RBFOX1: variants seen among roughly 807,000 people sequenced by gnomAD.
The protein encoded by RBFOX1 is RNA binding protein fox-1 homolog 1.
A neutral mutation model predicts 57.7 loss-of-function variants in RBFOX1; 8 were observed. The observed-to-expected ratio is 0.14, with a 90% CI of 0.08 to 0.25. The LOEUF is 0.25. Ranked by LOEUF, RBFOX1 falls within the 10% of genes least tolerant of loss-of-function variation. The pLI is 1.00. For missense variants in RBFOX1, 611 were observed against 548.5 expected (o/e 1.11, Z -1.14); for synonymous variants, 326 against 222.4 (o/e 1.47, Z -4.15).
At chr16:6,925,998 C>T (rs1567911878) in intron 3 of RBFOX1, among the ~76,000 whole-genome samples, 1 of 152,078 alleles carries the variant, frequency 6.6e-6, no homozygotes, top group Non-Finnish European at 1.5e-5. Flanking sequence ...CGTCAGATCT[C>T]TGTCTATGCT....
chr16:6,214,368 G>A (rs1327544061), intron 1 of RBFOX1, among the ~76,000 whole-genome samples: 1 of 146,138 alleles, frequency 6.8e-6, no homozygotes, highest in African/African-American at 2.5e-5. Flanking sequence ...AGAGAGTGAG[G>A]GAGAAAGAGT....
chr16:6,746,594 C>G lies in RBFOX1; in HGVS notation c.-16+91944C>G, dbSNP rs558053961. 1.6e-4 allele frequency among the ~76,000 whole-genome samples: 25 copies of G among 151,998 alleles called. No homozygotes were observed. In the East Asian group the frequency reaches 4.5e-3, roughly 27 times the overall value. ...CTGGGAGGCTGAACTGGGGGGATCA[C>G]CTGAACCTGGGAAGTTGAGGCTGCA... On this transcript the variant is annotated intron_variant, in intron 3 of 15. Transcript: ENST00000550418.
intron 2 of RBFOX1, among the ~76,000 whole-genome samples, chr16:6,509,871 G>C (rs1338933008): frequency 6.6e-6 from 1 of 152,124 alleles, no homozygotes; most frequent in African/African-American, 2.4e-5. Context: ...AAAAACTGTA[G>C]GAGAAGTCAG....
intron 3 of RBFOX1, among the ~76,000 whole-genome samples, chr16:6,917,729 G>C (rs568183319): frequency 2.6e-5 from 4 of 152,130 alleles, no homozygotes; most frequent in African/African-American, 7.2e-5. Context: ...TGGGAACCTC[G>C]GCATTCCAAG....
At chr16:5,988,554 C>G (rs1236154655) in intron 4 of RBFOX1, among the ~76,000 whole-genome samples, 1 of 152,088 alleles carries the variant, frequency 6.6e-6, no homozygotes, top group Non-Finnish European at 1.5e-5. Flanking sequence ...TGCTGTTACC[C>G]CCTTCCTGCC....
At chr16:6,872,627 T>C (rs149067185) in intron 3 of RBFOX1, among the ~76,000 whole-genome samples, 46 of 152,318 alleles carry the variant, frequency 3.0e-4, no homozygotes, top group African/African-American at 1.1e-3. Flanking sequence ...ACTTTGAATA[T>C]TCCTGCAGTG....
intron 3 of RBFOX1, among the ~76,000 whole-genome samples, chr16:5,727,957 G>T (rs2052216146): frequency 6.6e-6 from 1 of 152,154 alleles, no homozygotes; most frequent in African/African-American, 2.4e-5. Context: ...AAAGTTCTGG[G>T]ATTACAGGAG....
chr16:7,361,234 G>A (rs767942575), intron 4 of RBFOX1, among the ~76,000 whole-genome samples: 1 of 152,108 alleles, frequency 6.6e-6, no homozygotes, highest in East Asian at 1.9e-4. Flanking sequence ...GGCTCTGAAG[G>A]CCTGTTTGTG....
chr16:6,976,793 A>G (rs954893921), intron 3 of RBFOX1, among the ~76,000 whole-genome samples: 1 of 115,232 alleles, frequency 8.7e-6, no homozygotes, highest in Non-Finnish European at 1.7e-5. Context: ...TATTATATAT[A>G]TGATATATGA....
chr16:7,346,330 G>A (rs1418777374), intron 4 of RBFOX1, among the ~76,000 whole-genome samples: 1 of 151,888 alleles, frequency 6.6e-6, no homozygotes, highest in Non-Finnish European at 1.5e-5. Context: ...AACCACGATG[G>A]CAGAGGAGCA....
intron 2 of RBFOX1, among the ~76,000 whole-genome samples, chr16:6,565,983 G>A (rs548360540): frequency 5.3e-5 from 8 of 152,296 alleles, no homozygotes; most frequent in African/African-American, 1.7e-4. Flanking sequence ...CTGGCTGGGA[G>A]TGCTACTCTA....
At chr16:6,424,991 T>C (rs1237722082) in intron 2 of RBFOX1, among the ~76,000 whole-genome samples, 1 of 152,230 alleles carries the variant, frequency 6.6e-6, no homozygotes, top group East Asian at 1.9e-4. Context: ...TACTCTACAA[T>C]ATTATTATTA....
chr16:6,562,060 A>G (rs189955948), intron 2 of RBFOX1, among the ~76,000 whole-genome samples: 1 of 152,302 alleles, frequency 6.6e-6, no homozygotes, highest in Non-Finnish European at 1.5e-5. Context: ...GATATTACTC[A>G]TTTCCATCAT....
At chr16:7,168,792 T>C (rs2080089693) in intron 4 of RBFOX1, among the ~76,000 whole-genome samples, 1 of 152,218 alleles carries the variant, frequency 6.6e-6, no homozygotes, top group South Asian at 2.1e-4. Flanking sequence ...ACAACAATTT[T>C]GCCAATAAAC....
intron 4 of RBFOX1, among the ~76,000 whole-genome samples, chr16:7,447,287 G>T (rs2098816295): frequency 6.6e-6 from 1 of 151,792 alleles, no homozygotes; most frequent in South Asian, 2.1e-4. Flanking sequence ...ACAAAAATTA[G>T]CCAGCTGTGG....
At chr16:7,414,497 C>T (rs1359068557) in intron 4 of RBFOX1, among the ~76,000 whole-genome samples, 4 of 152,166 alleles carry the variant, frequency 2.6e-5, no homozygotes, top group Non-Finnish European at 4.4e-5. Context: ...CTGTAGTAGT[C>T]ATCTTGAGTG....
At chr16:6,572,801 C>G (rs1199176205) in intron 2 of RBFOX1, among the ~76,000 whole-genome samples, 1 of 152,056 alleles carries the variant, frequency 6.6e-6, no homozygotes, top group East Asian at 1.9e-4. Context: ...ACCATGTTGG[C>G]CACGCTGGCC....
intron 4 of RBFOX1, among the ~76,000 whole-genome samples, chr16:7,201,937 C>T (rs1025124759): frequency 1.3e-5 from 2 of 152,092 alleles, no homozygotes; most frequent in African/African-American, 2.4e-5. Context: ...TCAGAGGTAA[C>T]ACTGGCAGAA....
chr16:5,803,981 C>G (rs2055146421), intron 3 of RBFOX1, among the ~76,000 whole-genome samples: 1 of 152,166 alleles, frequency 6.6e-6, no homozygotes, highest in African/African-American at 2.4e-5. Flanking sequence ...CCTACTTACC[C>G]TTCCAAGCCC....
Sources: gnomAD v4.1 joint callset for allele counts (sites outside exome capture counted in the v4.1 genomes callset) on GRCh38, gnomAD v4.1.1 for gene constraint, MANE v1.5 for transcripts, NCBI Gene and HGNC (gene_info 2026-07-23, HGNC 2026-07-21) for gene names.